EP400: variants seen among roughly 807,000 people sequenced by gnomAD.
EP400 encodes E1A binding protein p400, also known as E1A-binding protein p400.
A neutral mutation model predicts 354.1 loss-of-function variants in EP400; 105 were observed. The ratio of observed to expected loss-of-function variants is 0.30; its 90% CI spans 0.25 to 0.35. The LOEUF (loss-of-function observed/expected upper bound fraction) is 0.35, where lower values mean the gene tolerates loss of function less well. EP400 is among the 10% of genes least tolerant of loss of function. EP400 has a pLI of 1.00. For missense variants in EP400, 3,280 were observed against 4,121.0 expected, an observed-to-expected ratio of 0.80 and a Z score of 5.59; for synonymous variants, 1,646 against 1,716.9, an observed-to-expected ratio of 0.96 and a Z score of 1.02.
intron 52 of EP400, 144 bp from the exon 53 acceptor site, chr12:132,077,257 G>A: frequency 9.5e-7 from 1 of 1,051,974 alleles, no homozygotes; most frequent in Non-Finnish European, 1.4e-6. Flanking sequence ...AGGTCATACT[G>A]TTGTGTGACT....
rs1896271278 is a variant in EP400, at chr12:132,077,445, G to A, written c.9144G>A (p.Gly3048=). 3 of 1,613,038 alleles carry A rather than the reference G, an allele frequency of 1.9e-6. No individual in the cohort carries two copies. The highest frequency in any genetic ancestry group is 2.5e-6 in the Non-Finnish European group (3 of 1,179,962). The change falls in exon 53 of 53, where the codon GGG becomes GGA. Residue 3048 remains glycine (G), a synonymous_variant. Coordinates refer to ENST00000389561, the MANE Select transcript of EP400 (RefSeq NM_015409.5). ...CGCTCACGCAGGCGACGGCGGCCGG[G>A]CAGCAGGTGCAGATGATCCCTGCAG... ...TVALTQATAA[G]QQVQMIPAVT...
chr12:131,961,670 T>C lies in EP400; in HGVS notation c.1051T>C (p.Leu351=), dbSNP rs1174915167. 2 of 1,611,856 alleles carry C rather than the reference T, an allele frequency of 1.2e-6. No individual in the cohort carries two copies. The highest frequency in any genetic ancestry group is 4.5e-5 in the East Asian group (2 of 44,820). The change falls in exon 2 of 53, where the codon TTA becomes CTA. Residue 351 remains leucine, a synonymous_variant. Transcript: ENST00000389561. ...NTGMKKVPKK[L]EEIPPASPEM... Reference sequence around the variant, plus strand: ...GGGAATGAAGAAGGTTCCCAAGAAGTTAGAGGAGATTCCCCCAGCCTCTCC... The same window carrying C: ...GGGAATGAAGAAGGTTCCCAAGAAGCTAGAGGAGATTCCCCCAGCCTCTCC...
chr12:132,002,325 A>G (rs1297950868), intron 12 of EP400, among the ~76,000 whole-genome samples: 1 of 152,208 alleles, frequency 6.6e-6, no homozygotes, highest in African/African-American at 2.4e-5. Flanking sequence ...CTTTATGGTT[A>G]AAGCATCAGG....
intron 5 of EP400, among the ~76,000 whole-genome samples, chr12:131,985,437 C>T (rs980842165): frequency 6.6e-6 from 1 of 151,976 alleles, no homozygotes; most frequent in South Asian, 2.1e-4. Context: ...GTGGGACGGG[C>T]GCTCAGAGAG....
chr12:132,015,481 C>T (rs1375224406), intron 19 of EP400, among the ~76,000 whole-genome samples: 5 of 152,214 alleles, frequency 3.3e-5, no homozygotes, highest in Admixed American at 2.6e-4. Context: ...AGGGAAGTCA[C>T]GTTGACCACG....
chr12:131,989,315 C>T (rs887475424), intron 7 of EP400, among the ~76,000 whole-genome samples: 4 of 152,232 alleles, frequency 2.6e-5, no homozygotes, highest in African/African-American at 9.6e-5. Flanking sequence ...CAGCCCACCC[C>T]GATCAGGGCC....
rs1285691594 is a variant in EP400, at chr12:132,013,100, A to G, written c.3533A>G (p.Lys1178Arg). 6.2e-7 allele frequency: 1 copy of G among 1,614,162 alleles called. No individual in the cohort carries two copies. Among genetic ancestry groups the G allele is most frequent in the Admixed American group, 1.7e-5 (1 of 60,020 alleles). ...ACCGCCTTCACACGAGTGCGCTGGAAGTGCCTGGTCATTGATGAGATGCAG... is the reference window on the plus strand; with the variant it reads ...ACCGCCTTCACACGAGTGCGCTGGAGGTGCCTGGTCATTGATGAGATGCAG... ...GLTAFTRVRW[K>R]CLVIDEMQRV... The change falls in exon 17 of 53, where the codon AAG (lysine) becomes AGG (arginine). Residue 1178 changes from lysine to arginine, a missense_variant. By Grantham distance (26) the Lys-to-Arg change is conservative. Transcript: ENST00000389561. This position sits in a 1 kb window ranked among gnomAD's most constrained non-coding sequence, Gnocchi z 4.5.
At chr12:132,020,722 G>C (rs1894096537) in intron 22 of EP400, among the ~76,000 whole-genome samples, 2 of 152,210 alleles carry the variant, frequency 1.3e-5, no homozygotes, top group Non-Finnish European at 2.9e-5. Context: ...ATTGTTGCCA[G>C]CATTCTCTAT....
chr12:132,030,581 A>G (rs1894455418), intron 29 of EP400, among the ~76,000 whole-genome samples: 1 of 152,224 alleles, frequency 6.6e-6, no homozygotes, highest in Non-Finnish European at 1.5e-5. Flanking sequence ...TCCTCCCGTG[A>G]AAGCATAAAC....
chr12:132,003,785 GGC>G (rs1893495351), intron 12 of EP400, among the ~76,000 whole-genome samples: 1 of 152,116 alleles, frequency 6.6e-6, no homozygotes, highest in African/African-American at 2.4e-5. Context: ...ACTTTCACTG[GGC>G]TCCATTAGGT....
rs10902491 is a variant in EP400, at chr12:132,075,223, A to G, written c.9022-1293A>G. The stretch of plus-strand genomic sequence containing the variant: ...TGGCAGTAGCACGGGGCTCTTTTGC[A>G]AGCTCCCCACCGAGAACTGGCCTAT... On this transcript the variant is annotated intron_variant, in intron 51 of 52. Coordinates refer to ENST00000389561, the MANE Select transcript of EP400 (RefSeq NM_015409.5). This position sits in a 1 kb window ranked among gnomAD's most constrained non-coding sequence, Gnocchi z 4.5. 0.16 allele frequency among the ~76,000 whole-genome samples: 24,511 copies of G among 150,768 alleles called. 3,265 individuals carry two copies. Among genetic ancestry groups the G allele is most frequent in the African/African-American group, 0.37 (15,063 of 40,866 alleles).
At chr12:132,005,963 A>G (rs1186024159) in intron 13 of EP400, 149 bp from the exon 14 acceptor site, 5 of 722,322 alleles carry the variant, frequency 6.9e-6, no homozygotes, top group Non-Finnish European at 1.1e-5. Context: ...TAGCATTGTT[A>G]GATATTTTGG....
Position 132,029,053 on chromosome 12 carries a change from A to G in EP400, c.5382-648A>G, listed in dbSNP as rs1310574360. 1.3e-5 allele frequency: 2 copies of G among 152,734 alleles called. No homozygotes were observed. Among genetic ancestry groups the G allele is most frequent in the Non-Finnish European group, 2.9e-5 (2 of 68,472 alleles). 9.5% of individuals were successfully genotyped at this position (152,734 alleles called of 1,614,324 possible). A position where few individuals can be genotyped will look rare whatever the true frequency, so the allele number is the denominator to read the frequency against. ...GGCTTCTCCTGGTCTGGGAGTGACT[A>G]TGTCAGTGACCTTGTGCTCCTGGAG... On this transcript the variant is annotated intron_variant, in intron 27 of 52. Coordinates refer to ENST00000389561, the MANE Select transcript of EP400 (RefSeq NM_015409.5). This position sits in a 1 kb window ranked among gnomAD's most constrained non-coding sequence, Gnocchi z 4.7.
At chr12:132,036,795 C>A (rs929671590) in intron 30 of EP400, among the ~76,000 whole-genome samples, 1 of 152,166 alleles carries the variant, frequency 6.6e-6, no homozygotes, top group African/African-American at 2.4e-5. Flanking sequence ...CATTTAAAGG[C>A]CAGGAAAGTC....
chr12:132,037,630 G>A, intron 30 of EP400, 52 bp from the exon 31 acceptor site: 1 of 1,449,422 alleles, frequency 6.9e-7, no homozygotes. Flanking sequence ...CCCACCTGTT[G>A]TCACTGTGTT....
rs114248835 is a variant in EP400 at position 131,990,169 on chromosome 12, C to T, written c.2550+65C>T. 636 of 1,541,896 alleles carry T rather than the reference C, an allele frequency of 4.1e-4. 6 individuals are homozygous for T. In the African/African-American group the frequency reaches 7.8e-3, roughly 19 times the overall value. ...TGTCGGAGCTGGTGAGGCCACTTCC[C>T]GAGACCAGAGCTCGGGCACCTTGCT... On this transcript the variant is annotated intron_variant, in intron 8 of 52. Coordinates refer to ENST00000389561, the MANE Select transcript of EP400 (RefSeq NM_015409.5). The surrounding 1 kb of genome is among the most constrained non-coding windows in gnomAD (Gnocchi z 4.2).
At chr12:132,064,592 G>A (rs201269557) in intron 47 of EP400, 76 bp from the exon 48 acceptor site, 3 of 1,547,876 alleles carry the variant, frequency 1.9e-6, no homozygotes, top group African/African-American at 2.7e-5. Flanking sequence ...TAGAGGGGTG[G>A]CTTAGGAACA....
intron 41 of EP400, chr12:132,051,017 C>T (rs1376549032): frequency 2.7e-6 from 1 of 367,060 alleles, no homozygotes; most frequent in African/African-American, 2.1e-5. Context: ...GAACACACCA[C>T]ATTTAGGGGT....
In EP400 at chr12:132,025,340, C is replaced by T. The variant is rs551180458; in HGVS notation, c.4856-306C>T. ...TGTGATCTGGGAGTGGGGATGTCCG[C>T]CTCAGTACCTCGAACAGCATGGCAG... On this transcript the variant is annotated intron_variant, in intron 24 of 52. Coordinates refer to ENST00000389561, the MANE Select transcript of EP400 (RefSeq NM_015409.5). This position sits in a 1 kb window ranked among gnomAD's most constrained non-coding sequence, Gnocchi z 4.1. Among the ~76,000 whole-genome samples the T allele has an allele frequency of 6.6e-6, 1 of 152,236 alleles. No homozygotes were observed. The highest frequency in any genetic ancestry group is 2.1e-4 in the South Asian group (1 of 4,820).
Sources: allele counts gnomAD v4.1 joint callset (sites outside exome capture counted in the v4.1 genomes callset), GRCh38; gene constraint gnomAD v4.1.1; non-coding constraint Gnocchi (gnomAD v3.1); transcripts MANE v1.5; gene names NCBI Gene and HGNC (gene_info 2026-07-23, HGNC 2026-07-21).